Variants in DNAH11 observed in about 807,000 individuals in gnomAD.
DNAH11 encodes the protein dynein axonemal heavy chain 11, also known as axonemal beta dynein heavy chain 11.
In DNAH11, 442 loss-of-function variants were observed where a neutral mutation model predicts 526.0. The ratio of observed to expected loss-of-function variants is 0.84; its 90% CI spans 0.78 to 0.91. The LOEUF (loss-of-function observed/expected upper bound fraction) is 0.91, where lower values mean the gene tolerates loss of function less well. DNAH11 is among the 40% of genes least tolerant of loss of function. The probability of loss-of-function intolerance (pLI) is 0.00; values close to 1 mark genes in which losing one functional copy is unlikely to be tolerated. For missense variants in DNAH11, 6,989 were observed against 5,448.7 expected (o/e 1.28, Z -8.90); for synonymous variants, 2,461 against 1,935.9 (o/e 1.27, Z -7.12).
intron 55 of DNAH11, among the ~76,000 whole-genome samples, chr7:21,772,625 A>G (rs1038124828): frequency 6.6e-6 from 1 of 152,214 alleles, no homozygotes; most frequent in African/African-American, 2.4e-5. Flanking sequence ...GGGGTCCACT[A>G]GAAACCAAGA....
At chr7:21,653,057 G>C (rs1781854435) in intron 28 of DNAH11, among the ~76,000 whole-genome samples, 1 of 152,008 alleles carries the variant, frequency 6.6e-6, no homozygotes, top group African/African-American at 2.4e-5. Flanking sequence ...TGTATTTGTA[G>C]TAGGAACAGA....
intron 2 of DNAH11, 125 bp downstream of exon 2, chr7:21,545,274 T>TATAAAAAA: frequency 7.7e-6 from 1 of 129,860 alleles, no homozygotes; most frequent in South Asian, 1.0e-4. Flanking sequence ...TGGGGGTGGT[T>TATAAAAAA]AAAAAAAAAA....
intron 14 of DNAH11, among the ~76,000 whole-genome samples, chr7:21,597,929 A>G (rs1784926605): frequency 6.6e-6 from 1 of 152,178 alleles, no homozygotes; most frequent in Non-Finnish European, 1.5e-5. Flanking sequence ...CCAGGGGTGC[A>G]TGTCACATGA....
intron 55 of DNAH11, among the ~76,000 whole-genome samples, chr7:21,768,250 G>A (rs1787267105): frequency 6.6e-6 from 1 of 152,200 alleles, no homozygotes; most frequent in African/African-American, 2.4e-5. Context: ...CCTGGGAACA[G>A]TGTTGGAAAG....
At chr7:21,829,915 C>G (rs1327741468) in intron 65 of DNAH11, among the ~76,000 whole-genome samples, 1 of 152,178 alleles carries the variant, frequency 6.6e-6, no homozygotes, top group Non-Finnish European at 1.5e-5. Flanking sequence ...ACTTTGAAAA[C>G]TAGCCAAGAA....
chr7:21,543,715 C>G, intron 1 of DNAH11, 119 bp downstream of exon 1: 1 of 1,081,358 alleles, frequency 9.2e-7, no homozygotes. Context: ...ACAAACTTGG[C>G]TTGAAGTCCC....
intron 55 of DNAH11, among the ~76,000 whole-genome samples, chr7:21,770,047 T>C (rs901383803): frequency 6.6e-6 from 1 of 152,196 alleles, no homozygotes; most frequent in African/African-American, 2.4e-5. Context: ...TTTAGAAAAC[T>C]GTGCTTGGTG....
intron 30 of DNAH11, among the ~76,000 whole-genome samples, chr7:21,665,713 G>A (rs1782396760): frequency 6.6e-6 from 1 of 151,994 alleles, no homozygotes; most frequent in South Asian, 2.1e-4. Flanking sequence ...TAGAGAAAAG[G>A]GATGATTTGT....
At chr7:21,570,397 G>A in intron 7 of DNAH11, 98 bp downstream of exon 7, 1 of 955,904 alleles carries the variant, frequency 1.0e-6, no homozygotes, top group Non-Finnish European at 1.5e-6. Flanking sequence ...TTATATCATA[G>A]GTGGAGGTCT....
intron 35 of DNAH11, among the ~76,000 whole-genome samples, chr7:21,693,877 C>A (rs1783733119): frequency 1.3e-5 from 2 of 152,150 alleles, no homozygotes; most frequent in Non-Finnish European, 2.9e-5. Context: ...TAGGAGGCCT[C>A]AGGAAACTTA....
intron 66 of DNAH11, among the ~76,000 whole-genome samples, chr7:21,845,859 C>T (rs1475736833): frequency 2.6e-5 from 4 of 152,150 alleles, no homozygotes; most frequent in East Asian, 1.9e-4. Flanking sequence ...ATTGAGACTT[C>T]CTATTCATCA....
intron 54 of DNAH11, among the ~76,000 whole-genome samples, chr7:21,756,769 A>G (rs1230973329): frequency 6.6e-6 from 1 of 152,150 alleles, no homozygotes; most frequent in Non-Finnish European, 1.5e-5. Context: ...ACTTTGCTAA[A>G]TTCTGCTAAT....
At chr7:21,659,111 A>G (rs1782140898) in intron 30 of DNAH11, 80 bp downstream of exon 30, 4 of 1,204,108 alleles carry the variant, frequency 3.3e-6, no homozygotes, top group Admixed American at 5.1e-5. Flanking sequence ...TTAGTCATTC[A>G]TTTACCGAGT....
rs570471555 is a variant in DNAH11, at chr7:21,863,473, G to A, written c.11374-1062G>A. On this transcript the variant is annotated intron_variant, in intron 69 of 81. Coordinates refer to ENST00000409508, the MANE Select transcript of DNAH11 (RefSeq NM_001277115.2). Reference sequence around the variant, plus strand: ...CTCCCGAGTAGCTGGGACTACAGGCGTGCACCACCACACCCAGCTAATTTT... The same window carrying A: ...CTCCCGAGTAGCTGGGACTACAGGCATGCACCACCACACCCAGCTAATTTT... 2.4e-4 allele frequency among the ~76,000 whole-genome samples: 36 copies of A among 152,162 alleles called. 1 individual carries two copies. The highest frequency in any genetic ancestry group is 1.3e-3 in the Admixed American group (20 of 15,280).
At chr7:21,705,617 C>A in intron 39 of DNAH11, 80 bp downstream of exon 39, 1 of 1,391,614 alleles carries the variant, frequency 7.2e-7, no homozygotes, top group Non-Finnish European at 1.0e-6. Flanking sequence ...TTCAATGCTA[C>A]TCAAAAGAAT....
intron 25 of DNAH11, among the ~76,000 whole-genome samples, chr7:21,626,265 C>T (rs1786328481): frequency 6.6e-6 from 1 of 152,140 alleles, no homozygotes; most frequent in Non-Finnish European, 1.5e-5. Context: ...CCTCTAGTTC[C>T]ATCCACATAG....
At chr7:21,674,954 T>G (rs914369252) in intron 30 of DNAH11, among the ~76,000 whole-genome samples, 3 of 152,128 alleles carry the variant, frequency 2.0e-5, no homozygotes, top group Non-Finnish European at 2.9e-5. Flanking sequence ...CAACCACCAA[T>G]TCTGTCACTG....
At chr7:21,802,669 A>G (rs1447767441) in intron 62 of DNAH11, among the ~76,000 whole-genome samples, 1 of 152,154 alleles carries the variant, frequency 6.6e-6, no homozygotes, top group Non-Finnish European at 1.5e-5. Context: ...CAATGTATGA[A>G]TCTTGAAAAT....
At chr7:21,900,257 C>G (rs566086571) in intron 81 of DNAH11, 137 bp downstream of exon 81, 1 of 1,034,630 alleles carries the variant, frequency 9.7e-7, no homozygotes, top group East Asian at 2.8e-5. Context: ...ATTTCTTCCT[C>G]TTAAATAATT....
Sources: allele counts gnomAD v4.1 joint callset (sites outside exome capture counted in the v4.1 genomes callset), GRCh38; gene constraint gnomAD v4.1.1; transcripts MANE v1.5; gene names NCBI Gene and HGNC (gene_info 2026-07-23, HGNC 2026-07-21).